The following ERC2 variants were observed in gnomAD, a reference collection of about 807,000 sequenced individuals.
The protein encoded by ERC2 is ELKS/RAB6-interacting/CAST family member 2, also known as ERC protein 2.
A neutral mutation model predicts 114.8 loss-of-function variants in ERC2; 42 were observed. The ratio of observed to expected loss-of-function variants is 0.37; its 90% CI spans 0.29 to 0.47. The LOEUF (loss-of-function observed/expected upper bound fraction) is 0.47, where lower values mean the gene tolerates loss of function less well. ERC2 is among the 20% of genes least tolerant of loss of function. The pLI is 0.99. For missense variants in ERC2, 939 were observed against 1,150.7 expected (o/e 0.82, Z 2.66); for synonymous variants, 454 against 425.5 (o/e 1.07, Z -0.82).
chr3:56,068,163 G>A (rs542883676), intron 7 of ERC2, among the ~76,000 whole-genome samples: 3 of 152,232 alleles, frequency 2.0e-5, no homozygotes, highest in Non-Finnish European at 4.4e-5. Context: ...GAATCCATCT[G>A]CTCCTGGGCT....
At chr3:55,732,026 G>A (rs2065280576) in intron 15 of ERC2, among the ~76,000 whole-genome samples, 1 of 152,008 alleles carries the variant, frequency 6.6e-6, no homozygotes, top group East Asian at 1.9e-4. Context: ...GGGTATGTGT[G>A]GAATCCGGTA....
intron 13 of ERC2, among the ~76,000 whole-genome samples, chr3:55,908,965 C>T (rs1456321410): frequency 3.3e-5 from 5 of 152,180 alleles, no homozygotes; most frequent in African/African-American, 9.7e-5. Context: ...ATAACACATG[C>T]ATCTTCATTG....
At chr3:56,064,776 A>G (rs991038393) in intron 7 of ERC2, among the ~76,000 whole-genome samples, 3 of 152,260 alleles carry the variant, frequency 2.0e-5, no homozygotes, top group Admixed American at 6.5e-5. Flanking sequence ...AGAACTTGTG[A>G]TCTACACCAG....
intron 17 of ERC2, among the ~76,000 whole-genome samples, chr3:55,616,001 C>T (rs951858748): frequency 5.3e-5 from 8 of 152,218 alleles, no homozygotes; most frequent in Admixed American, 5.2e-4. Flanking sequence ...ACCTTCTGGT[C>T]TTTAATATCA....
intron 13 of ERC2, among the ~76,000 whole-genome samples, chr3:55,915,104 T>C (rs995269491): frequency 2.0e-5 from 3 of 152,166 alleles, no homozygotes; most frequent in Non-Finnish European, 2.9e-5. Context: ...GTGTCCTGAG[T>C]AAGTCTCAGG....
chr3:55,652,996 A>AGATT (rs1253694499), intron 17 of ERC2, among the ~76,000 whole-genome samples: 1 of 152,032 alleles, frequency 6.6e-6, no homozygotes, highest in Non-Finnish European at 1.5e-5. Context: ...TTCATGGCTT[A>AGATT]GATTATTCTT....
At chr3:56,454,149 T>C (rs928447105) in intron 1 of ERC2, among the ~76,000 whole-genome samples, 2 of 152,234 alleles carry the variant, frequency 1.3e-5, no homozygotes, top group Admixed American at 6.5e-5. Flanking sequence ...GCAAGAACTA[T>C]GTCTTCTTCA....
intron 7 of ERC2, among the ~76,000 whole-genome samples, chr3:56,040,619 G>T (rs371846254): frequency 0.033 from 46 of 1,414 alleles, 1 homozygote; most frequent in South Asian, 0.11. Flanking sequence ...ATAATATATA[G>T]ATGTATATGT....
At chr3:56,261,417 T>C (rs2052918145) in intron 3 of ERC2, among the ~76,000 whole-genome samples, 2 of 152,344 alleles carry the variant, frequency 1.3e-5, no homozygotes, top group African/African-American at 4.8e-5. Flanking sequence ...TATTCTTGTA[T>C]ATAACGTCTA....
At chr3:56,064,033 T>A (rs971359522) in intron 7 of ERC2, among the ~76,000 whole-genome samples, 13 of 152,078 alleles carry the variant, frequency 8.5e-5, no homozygotes, top group African/African-American at 1.4e-4. Flanking sequence ...GGAAAAAAAA[T>A]TTTTTTAAAG....
chr3:56,257,540 T>C (rs2052603679), intron 3 of ERC2, among the ~76,000 whole-genome samples: 1 of 152,202 alleles, frequency 6.6e-6, no homozygotes, highest in Non-Finnish European at 1.5e-5. Context: ...ACAGCAATAC[T>C]TGAGGAATTT....
rs564108828 is a variant in ERC2 at position 55,685,211 on chromosome 3, A to G, written c.2848-1352T>C. ...GATCCAGAGAGTTCATCATACTGCC[A>G]AAGGGATCCACGGCCCACGAAGGTT... is the stretch of plus-strand genomic sequence containing the variant. On this transcript the variant is annotated intron_variant, in intron 16 of 17. Transcript: ENST00000288221. Among the ~76,000 whole-genome samples the G allele has an allele frequency of 3.7e-4, 56 of 152,320 alleles. 1 individual carries two copies. The South Asian group carries it at 0.01, about 28-fold the overall frequency.
chr3:55,834,618 G>C (rs1027802478), intron 14 of ERC2, among the ~76,000 whole-genome samples: 3 of 151,086 alleles, frequency 2.0e-5, no homozygotes, highest in African/African-American at 7.3e-5. Context: ...GCAGTGTGTA[G>C]AGGGAAATTT....
chr3:55,808,698 AT>A (rs1442046994), intron 14 of ERC2, among the ~76,000 whole-genome samples: 1 of 63,236 alleles, frequency 1.6e-5, no homozygotes, highest in Non-Finnish European at 2.8e-5. Context: ...TTATACCATA[AT>A]TTTATATATA....
intron 2 of ERC2, among the ~76,000 whole-genome samples, chr3:56,350,364 G>A (rs747560372): frequency 1.8e-4 from 28 of 152,274 alleles, no homozygotes; most frequent in African/African-American, 6.5e-4. Context: ...GAGTTCACAC[G>A]GTTGGCATAT....
intron 8 of ERC2, among the ~76,000 whole-genome samples, chr3:56,015,718 T>C (rs553131568): frequency 6.6e-6 from 1 of 152,348 alleles, no homozygotes; most frequent in South Asian, 2.1e-4. Context: ...TTTGGGTATA[T>C]ACCCAGTAAT....
At chr3:55,788,563 C>A (rs1361960867) in intron 14 of ERC2, among the ~76,000 whole-genome samples, 1 of 152,086 alleles carries the variant, frequency 6.6e-6, no homozygotes, top group Non-Finnish European at 1.5e-5. Context: ...GCATATAATT[C>A]GGATGATATA....
intron 17 of ERC2, among the ~76,000 whole-genome samples, chr3:55,630,370 T>C (rs1007052256): frequency 2.6e-5 from 4 of 152,126 alleles, no homozygotes; most frequent in Admixed American, 2.0e-4. Flanking sequence ...GGTTTCTCCA[T>C]GTTGGTCAGG....
chr3:56,388,126 G>C (rs1181335795), intron 2 of ERC2, among the ~76,000 whole-genome samples: 1 of 152,070 alleles, frequency 6.6e-6, no homozygotes, highest in East Asian at 1.9e-4. Context: ...TAAGGACTAT[G>C]TTCAGCACTG....
Sources: allele counts gnomAD v4.1 joint callset (sites outside exome capture counted in the v4.1 genomes callset), GRCh38; gene constraint gnomAD v4.1.1; transcripts MANE v1.5; gene names NCBI Gene and HGNC (gene_info 2026-07-23, HGNC 2026-07-21).